ATAT1: variants seen among roughly 807,000 people sequenced by gnomAD.
ATAT1 encodes alpha tubulin acetyltransferase 1.
A neutral mutation model predicts 57.2 loss-of-function variants in ATAT1; 42 were observed. That is an observed-to-expected ratio of 0.73 (90% CI 0.57 to 0.95). The LOEUF is 0.95. ATAT1 is among the 40% of genes least tolerant of loss of function. The pLI is 0.00. For synonymous variants in ATAT1, 168 were observed against 187.1 expected, an observed-to-expected ratio of 0.90 and a Z score of 0.83; for missense variants, 454 against 523.7, an observed-to-expected ratio of 0.87 and a Z score of 1.30.
chr6:30,640,647 CTACT>C lies in ATAT1; in HGVS notation c.616+49_616+52del, dbSNP rs759682394. Reference sequence around the variant, plus strand: ...GGGTGGAACTGTAGTGCAGTGATGGCTACTTACTCTAGATGCCACGGGGTACAGT... The same window carrying C: ...GGGTGGAACTGTAGTGCAGTGATGGCTACTCTAGATGCCACGGGGTACAGT... On this transcript the variant is annotated intron_variant, in intron 8 of 12. Transcript: ENST00000330083. 4 of 1,602,088 alleles carry C rather than the reference CTACT, an allele frequency of 2.5e-6. No homozygotes were observed. The Admixed American group carries it at 5.0e-5, about 20-fold the overall frequency.
In ATAT1 at chr6:30,627,450, C is replaced by T. The variant is rs1426847279; in HGVS notation, c.72-10C>T. On this transcript the variant is annotated splice_polypyrimidine_tract_variant and intron_variant, in intron 1 of 12. Coordinates refer to ENST00000330083, the MANE Select transcript of ATAT1 (RefSeq NM_001031722.4). ...GAGTATCTGACTCTTTATTTCTTCT[C>T]TTTCTCTAGTGTTGATCTACAGCAG... The T allele has an allele frequency of 6.2e-6, 10 of 1,612,762 alleles. No individual in the cohort carries two copies. Among genetic ancestry groups the T allele is most frequent in the Non-Finnish European group, 8.5e-7 (1 of 1,178,816 alleles).
chr6:30,629,647 G>C (rs992282187), intron 6 of ATAT1, among the ~76,000 whole-genome samples: 2 of 151,784 alleles, frequency 1.3e-5, no homozygotes, highest in Admixed American at 6.6e-5. Context: ...CAGGTTCACG[G>C]CATTCTCCTG....
Position 30,646,469 on chromosome 6 carries a change from G to A in ATAT1, c.1056G>A (p.Arg352=). 1.3e-6 allele frequency: 2 copies of A among 1,574,124 alleles called. No homozygotes were observed. The highest frequency in any genetic ancestry group is 8.6e-7 in the Non-Finnish European group (1 of 1,157,828). ...CACTCTCCATCTCCCCACCTACCAG[G>A]TCTGCCAGTGAGGAGCAGGCCTTGT... Residue 352 remains arginine (R), a splice_region_variant and synonymous_variant, in exon 13 of 13, where the codon AGG becomes AGA. Coordinates refer to ENST00000330083, the MANE Select transcript of ATAT1 (RefSeq NM_001031722.4).
intron 6 of ATAT1, among the ~76,000 whole-genome samples, chr6:30,638,062 A>C (rs1397967013): frequency 2.0e-5 from 3 of 152,072 alleles, no homozygotes; most frequent in African/African-American, 7.2e-5. Context: ...TATTTTTAGT[A>C]GAGACGGGGT....
At chr6:30,631,533 C>T (rs1295578325) in intron 6 of ATAT1, among the ~76,000 whole-genome samples, 1 of 151,828 alleles carries the variant, frequency 6.6e-6, no homozygotes, top group Non-Finnish European at 1.5e-5. Context: ...AATCCTAGTA[C>T]TTAGGGAGGC....
chr6:30,642,178 C>G lies in ATAT1; in HGVS notation c.619C>G (p.Pro207Ala), dbSNP rs1174026667. 9 of 1,614,074 alleles carry G rather than the reference C, an allele frequency of 5.6e-6. No homozygotes were observed. The highest frequency in any genetic ancestry group is 7.6e-6 in the Non-Finnish European group (9 of 1,180,002). Residue 207 changes from proline (P) to alanine (A), a missense_variant and splice_region_variant, in exon 9 of 13, where the codon CCA becomes GCA. Coordinates refer to ENST00000330083, the MANE Select transcript of ATAT1 (RefSeq NM_001031722.4). ...GCCTATGTCCCCTCCACTGCCAGCT[C>G]CAGCAAGGAAGCTGCCACCCAAGAG...
chr6:30,627,403 G>A, intron 1 of ATAT1, 57 bp from the exon 2 acceptor site: 3 of 1,599,300 alleles, frequency 1.9e-6, no homozygotes, highest in Non-Finnish European at 2.6e-6. Context: ...AGGACTGACT[G>A]CCTAGGACCC....
At position 30,628,295 on chromosome 6, in the gene ATAT1, C is replaced by T. The variant is rs370400349; in HGVS notation, c.400-34C>T. 8.1e-6 allele frequency: 13 copies of T among 1,598,446 alleles called. No individual in the cohort carries two copies. In the African/African-American group the frequency reaches 1.5e-4, roughly 18 times the overall value. The stretch of plus-strand genomic sequence containing the variant: ...TTCCTGTTGGCATGCTTTCCCCATA[C>T]TTCCTCCTACCCTGAGTCTCCTTTT... On this transcript the variant is annotated intron_variant, in intron 5 of 12. Coordinates refer to ENST00000330083, the MANE Select transcript of ATAT1 (RefSeq NM_001031722.4).
Position 30,640,538 on chromosome 6 carries a change from C to T in ATAT1, c.551C>T (p.Pro184Leu). The change falls in exon 8 of 13, where the codon CCC (proline) becomes CTC (leucine). Residue 184 changes from proline (P) to leucine (L), a missense_variant. Physicochemically the swap from Pro to Leu is moderately conservative, Grantham distance 98. This residue lies in a region of ATAT1 where 236 missense variants were observed against 284.5 expected (regional missense o/e 0.83). Coordinates refer to ENST00000330083, the MANE Select transcript of ATAT1 (RefSeq NM_001031722.4). ...CCCGCCGCTTCCTTCCTCACAGGGC[C>T]CCCTGCTCCCTCTCTGAGGGCAACT... 6.2e-7 allele frequency: 1 copy of T among 1,613,002 alleles called. No homozygotes were observed. Among genetic ancestry groups the T allele is most frequent in the Non-Finnish European group, 8.5e-7 (1 of 1,180,022 alleles).
At chr6:30,644,606 C>G in intron 10 of ATAT1, 3 of 985,278 alleles carry the variant, frequency 3.0e-6, no homozygotes, top group Non-Finnish European at 3.6e-6. Context: ...TCAGTGTTGT[C>G]TGAATAAAGT....
intron 10 of ATAT1, chr6:30,643,276 C>T: frequency 7.0e-7 from 1 of 1,420,992 alleles, no homozygotes; most frequent in Non-Finnish European, 9.2e-7. Context: ...CACCGAGATC[C>T]ATCGAGTTGG....
At chr6:30,627,757 C>T (rs1460526782) in intron 3 of ATAT1, 30 bp downstream of exon 3, 8 of 1,606,802 alleles carry the variant, frequency 5.0e-6, no homozygotes, top group Admixed American at 3.3e-5. Context: ...CCATCCCATA[C>T]TTAATTCCTT....
At chr6:30,643,404 G>A (rs1765955750) in intron 10 of ATAT1, 1 of 1,491,904 alleles carries the variant, frequency 6.7e-7, no homozygotes, top group Non-Finnish European at 9.0e-7. Context: ...ATCGCAGCAG[G>A]CAGGGAGTGG....
In ATAT1 at chr6:30,646,557, G is replaced by GC. The variant is rs750727968; in HGVS notation, c.1147dup (p.Gln383ProfsTer?). 1 of 1,585,262 alleles carries GC rather than the reference G, an allele frequency of 6.3e-7. No homozygotes were observed. The highest frequency in any genetic ancestry group is 1.8e-5 in the Admixed American group (1 of 55,846). ...TCCTCCACAGGCCCCGGCCCCGCCAGCCCAGTCCTGGACAGTGGGTGGGGA... is the reference window on the plus strand; with the variant it reads ...TCCTCCACAGGCCCCGGCCCCGCCAGCCCCAGTCCTGGACAGTGGGTGGGGA... On this transcript the variant is annotated frameshift_variant, in exon 13 of 13. Transcript: ENST00000330083. LOFTEE classifies it high-confidence loss of function.
In ATAT1 at chr6:30,628,364, C is replaced by T; in HGVS notation, c.435C>T (p.Asp145=). ...TGGAACCGCACCAACTGGCAATTGA[C>T]CGACCCTCACAGAAGCTGCTGAAAT... The change falls in exon 6 of 13, where the codon GAC becomes GAT. Residue 145 remains aspartate, a synonymous_variant. Coordinates refer to ENST00000330083, the MANE Select transcript of ATAT1 (RefSeq NM_001031722.4). 1 of 1,613,106 alleles carries T rather than the reference C, an allele frequency of 6.2e-7. No homozygotes were observed. Among genetic ancestry groups the T allele is most frequent in the Non-Finnish European group, 8.5e-7 (1 of 1,180,044 alleles).
intron 10 of ATAT1, among the ~76,000 whole-genome samples, chr6:30,645,586 T>A (rs1043454439): frequency 6.6e-6 from 1 of 152,144 alleles, no homozygotes; most frequent in African/African-American, 2.4e-5. Context: ...ATCCAACACA[T>A]TTTTGACCAC....
chr6:30,633,636 C>A, intron 6 of ATAT1: 1 of 201,090 alleles, frequency 5.0e-6, no homozygotes, highest in South Asian at 9.6e-5. Flanking sequence ...CCCACCATGT[C>A]AGAGGCAGTT....
At chr6:30,641,692 C>T (rs751724247) in intron 8 of ATAT1, 29 of 746,580 alleles carry the variant, frequency 3.9e-5, no homozygotes, top group African/African-American at 1.3e-4. Context: ...TTCCCATTTT[C>T]GTATAGGAAG....
chr6:30,640,982 A>T (rs1180207018), intron 8 of ATAT1, among the ~76,000 whole-genome samples: 1 of 152,108 alleles, frequency 6.6e-6, no homozygotes, highest in Admixed American at 6.6e-5. Context: ...AATGGCCCAA[A>T]ATTTAAATGT....
Sources: allele counts gnomAD v4.1 joint callset (sites outside exome capture counted in the v4.1 genomes callset), GRCh38; gene constraint gnomAD v4.1.1; regional missense constraint gnomAD v4.1.1; transcripts MANE v1.5; gene names NCBI Gene and HGNC (gene_info 2026-07-23, HGNC 2026-07-21).